The following ZFAND6 variants were observed in gnomAD, a reference collection of about 807,000 sequenced individuals.
ZFAND6 encodes the protein AN1-type zinc finger protein 6.
Under a neutral mutation model 24.5 loss-of-function variants are expected in ZFAND6, and 12 were observed. The ratio of observed to expected loss-of-function variants is 0.49; its 90% CI spans 0.31 to 0.79. The LOEUF is 0.79. ZFAND6 is among the 30% of genes least tolerant of loss of function. The probability of loss-of-function intolerance (pLI) is 0.04; values close to 1 mark genes in which losing one functional copy is unlikely to be tolerated. For missense variants in ZFAND6, 207 were observed against 245.9 expected (o/e 0.84, Z 1.06); for synonymous variants, 92 against 81.5 (o/e 1.13, Z -0.69).
chr15:80,124,172 G>A (rs1252380328), intron 5 of ZFAND6, among the ~76,000 whole-genome samples: 6 of 152,172 alleles, frequency 3.9e-5, no homozygotes, highest in Non-Finnish European at 7.3e-5. Flanking sequence ...GGTGGCTCAC[G>A]CCTGTAATCC....
chr15:80,106,258 A>G (rs1462044537), intron 2 of ZFAND6, among the ~76,000 whole-genome samples: 1 of 152,216 alleles, frequency 6.6e-6, no homozygotes, highest in African/African-American at 2.4e-5. Flanking sequence ...TTCATCCAGC[A>G]TGTATTTGAG....
At chr15:80,083,350 T>C (rs1467461396) in intron 1 of ZFAND6, among the ~76,000 whole-genome samples, 2 of 152,194 alleles carry the variant, frequency 1.3e-5, no homozygotes, top group African/African-American at 4.8e-5. Flanking sequence ...TTATCCATAA[T>C]AATAAATTCT....
At chr15:80,085,137 G>C (rs1298694837) in intron 1 of ZFAND6, among the ~76,000 whole-genome samples, 1 of 152,160 alleles carries the variant, frequency 6.6e-6, no homozygotes, top group Non-Finnish European at 1.5e-5. Flanking sequence ...AAAGGGGAGT[G>C]AGTTCTGTGT....
intron 5 of ZFAND6, among the ~76,000 whole-genome samples, chr15:80,127,925 A>G (rs552333428): frequency 2.6e-5 from 4 of 152,374 alleles, no homozygotes; most frequent in Admixed American, 6.5e-5. Flanking sequence ...AATAAAAAAT[A>G]GAAACTACTG....
At chr15:80,114,813 T>C (rs2141995172) in intron 2 of ZFAND6, among the ~76,000 whole-genome samples, 1 of 152,206 alleles carries the variant, frequency 6.6e-6, no homozygotes, top group East Asian at 1.9e-4. Context: ...TAAAAAGACA[T>C]AAAGGAAAAA....
chr15:80,063,066 A>G (rs1168976413), intron 1 of ZFAND6, among the ~76,000 whole-genome samples: 1 of 151,906 alleles, frequency 6.6e-6, no homozygotes, highest in Non-Finnish European at 1.5e-5. Context: ...CTGACTCAAA[A>G]CCTCCCAGTA....
chr15:80,093,586 A>G (rs1366524994), intron 1 of ZFAND6, among the ~76,000 whole-genome samples: 4 of 152,248 alleles, frequency 2.6e-5, no homozygotes, highest in East Asian at 1.9e-4. Flanking sequence ...TTAGTCGGGC[A>G]TGGTGGCGCA....
chr15:80,136,856 G>A (rs2040888336), intron 6 of ZFAND6, among the ~76,000 whole-genome samples: 1 of 152,164 alleles, frequency 6.6e-6, no homozygotes, highest in South Asian at 2.1e-4. Context: ...CATATGTTCA[G>A]AATTAAATTC....
chr15:80,088,525 C>T (rs564982870), intron 1 of ZFAND6, among the ~76,000 whole-genome samples: 14 of 152,262 alleles, frequency 9.2e-5, no homozygotes, highest in African/African-American at 3.1e-4. Flanking sequence ...GAGATTGTGC[C>T]ACTGCACTCC....
rs112621360 is a variant in ZFAND6 at position 80,078,203 on chromosome 15, G to A, written c.-181+18394G>A. On this transcript the variant is annotated intron_variant, in intron 1 of 6. Coordinates refer to ENST00000261749, the MANE Select transcript of ZFAND6 (RefSeq NM_019006.4). ...AGGTGTTAATAGTTTTTCAACACTCGCCTCTCCCCAGCCCTTTCCTCTAAT... is the reference window on the plus strand; with the variant it reads ...AGGTGTTAATAGTTTTTCAACACTCACCTCTCCCCAGCCCTTTCCTCTAAT... Among the ~76,000 whole-genome samples, 145 of 152,146 alleles carry A rather than the reference G, an allele frequency of 9.5e-4. 1 individual carries two copies. The highest frequency in any genetic ancestry group is 2.5e-3 in the African/African-American group (105 of 41,524).
intron 2 of ZFAND6, among the ~76,000 whole-genome samples, chr15:80,104,475 C>T (rs2039208172): frequency 6.6e-6 from 1 of 152,260 alleles, no homozygotes; most frequent in Admixed American, 6.5e-5. Flanking sequence ...GCCGAGATCG[C>T]ACCACTGCAC....
At chr15:80,095,474 A>G (rs2038663833) in intron 1 of ZFAND6, among the ~76,000 whole-genome samples, 2 of 152,256 alleles carry the variant, frequency 1.3e-5, no homozygotes, top group Non-Finnish European at 1.5e-5. Context: ...GGAAGACACT[A>G]TTAGACTCAA....
chr15:80,107,831 GA>G (rs1425353860), intron 2 of ZFAND6, among the ~76,000 whole-genome samples: 1 of 148,728 alleles, frequency 6.7e-6, no homozygotes, highest in Non-Finnish European at 1.5e-5. Context: ...AAGAGGAGAG[GA>G]GAGGGGAGAG....
intron 5 of ZFAND6, among the ~76,000 whole-genome samples, chr15:80,125,547 T>C (rs2040338480): frequency 6.6e-6 from 1 of 152,256 alleles, no homozygotes; most frequent in Non-Finnish European, 1.5e-5. Context: ...AGAATTTTTA[T>C]GTTTCATTGA....
intron 1 of ZFAND6, among the ~76,000 whole-genome samples, chr15:80,063,965 G>A (rs1380097323): frequency 6.6e-6 from 1 of 152,246 alleles, no homozygotes; most frequent in East Asian, 1.9e-4. Flanking sequence ...TGGGATTACA[G>A]GCGTGAGCCA....
chr15:80,117,211 A>G (rs1038811642), intron 2 of ZFAND6, among the ~76,000 whole-genome samples: 8 of 151,930 alleles, frequency 5.3e-5, no homozygotes, highest in African/African-American at 1.9e-4. Context: ...ATTTACAAAA[A>G]TATCTACTGA....
chr15:80,061,773 G>C (rs576349468), intron 1 of ZFAND6, among the ~76,000 whole-genome samples: 3 of 152,070 alleles, frequency 2.0e-5, no homozygotes, highest in African/African-American at 7.2e-5. Flanking sequence ...TCCGGCTCTT[G>C]GTACACAAGT....
At chr15:80,061,292 C>T (rs959540332) in intron 1 of ZFAND6, among the ~76,000 whole-genome samples, 13 of 152,062 alleles carry the variant, frequency 8.5e-5, no homozygotes, top group African/African-American at 2.4e-4. Context: ...ATGCATATGT[C>T]AGAACTTACA....
chr15:80,119,191 T>C (rs1004430782), intron 2 of ZFAND6, among the ~76,000 whole-genome samples: 1 of 152,182 alleles, frequency 6.6e-6, no homozygotes, highest in African/African-American at 2.4e-5. Context: ...TGATTATTGC[T>C]TTCATGTGGT....
Sources: gnomAD v4.1 joint callset for allele counts (sites outside exome capture counted in the v4.1 genomes callset) on GRCh38, gnomAD v4.1.1 for gene constraint, MANE v1.5 for transcripts, NCBI Gene and HGNC (gene_info 2026-07-23, HGNC 2026-07-21) for gene names.